ATXN1: variants seen among roughly 807,000 people sequenced by gnomAD.
The protein encoded by ATXN1 is ataxin 1, also known as ataxin-1.
In ATXN1, 8 loss-of-function variants were observed where a neutral mutation model predicts 56.4. The observed-to-expected ratio is 0.14, with a 90% CI of 0.08 to 0.26. The LOEUF is 0.26. ATXN1 is among the 10% of genes least tolerant of loss of function. The pLI is 1.00. For synonymous variants in ATXN1, 514 were observed against 494.6 expected, an observed-to-expected ratio of 1.04 and a Z score of -0.52; for missense variants, 987 against 1,106.5, an observed-to-expected ratio of 0.89 and a Z score of 1.53.
intron 6 of ATXN1, among the ~76,000 whole-genome samples, chr6:16,404,563 C>T (rs980010365): frequency 4.6e-5 from 7 of 152,198 alleles, no homozygotes; most frequent in Non-Finnish European, 5.9e-5. Context: ...GTTCCTGTCA[C>T]GCTCAGCTTC....
chr6:16,458,407 C>T (rs891512594), intron 6 of ATXN1, among the ~76,000 whole-genome samples: 9 of 152,172 alleles, frequency 5.9e-5, no homozygotes, highest in Non-Finnish European at 1.3e-4. Flanking sequence ...AATATACTCC[C>T]CTGTCACCCA....
At chr6:16,332,860 G>C (rs1761023118) in intron 6 of ATXN1, among the ~76,000 whole-genome samples, 1 of 152,168 alleles carries the variant, frequency 6.6e-6, no homozygotes, top group Non-Finnish European at 1.5e-5. Context: ...TCCGACCCGT[G>C]ACATCAGCAT....
chr6:16,396,351 A>G (rs1334318972), intron 6 of ATXN1, among the ~76,000 whole-genome samples: 2 of 152,144 alleles, frequency 1.3e-5, no homozygotes, highest in East Asian at 3.9e-4. Flanking sequence ...AGGCTGAGGC[A>G]GGAGGATGGC....
chr6:16,312,599 C>T (rs1024869341), intron 7 of ATXN1, among the ~76,000 whole-genome samples: 23 of 152,120 alleles, frequency 1.5e-4, no homozygotes, highest in Admixed American at 1.5e-3. Flanking sequence ...GCCTGTAATC[C>T]CAGCACTTTG....
chr6:16,371,575 G>A (rs553001789), intron 6 of ATXN1, among the ~76,000 whole-genome samples: 9 of 151,840 alleles, frequency 5.9e-5, no homozygotes, highest in African/African-American at 2.2e-4. Context: ...TTTTTGAGCC[G>A]AGACAGGGTC....
intron 4 of ATXN1, among the ~76,000 whole-genome samples, chr6:16,526,064 T>TATATATATATATATATATATATATAC (rs370698828): frequency 4.0e-4 from 53 of 133,270 alleles, no homozygotes; most frequent in African/African-American, 1.2e-3. Flanking sequence ...TATATATATA[T>TATATATATATATATATATATATATAC]ACATACATAC....
intron 2 of ATXN1, among the ~76,000 whole-genome samples, chr6:16,752,344 A>C (rs1331192969): frequency 6.6e-6 from 1 of 152,196 alleles, no homozygotes; most frequent in African/African-American, 2.4e-5. Context: ...GTGGAGCATC[A>C]GTGCCTAGAC....
At chr6:16,416,798 G>A (rs1758918099) in intron 6 of ATXN1, among the ~76,000 whole-genome samples, 1 of 152,106 alleles carries the variant, frequency 6.6e-6, no homozygotes, top group African/African-American at 2.4e-5. Flanking sequence ...GTACACACTG[G>A]AATTCCTGAA....
intron 5 of ATXN1, among the ~76,000 whole-genome samples, chr6:16,492,670 CT>C (rs1172031220): frequency 6.6e-6 from 1 of 151,724 alleles, no homozygotes; most frequent in Non-Finnish European, 1.5e-5. Flanking sequence ...TATATTACTC[CT>C]TATGGCCCCT....
At chr6:16,526,154 C>A (rs1472816676) in intron 4 of ATXN1, among the ~76,000 whole-genome samples, 1 of 149,784 alleles carries the variant, frequency 6.7e-6, no homozygotes, top group Non-Finnish European at 1.5e-5. Context: ...ATATTGAAAA[C>A]CTCCTTTAAC....
At chr6:16,739,531 A>G in intron 2 of ATXN1, 1 of 234,802 alleles carries the variant, frequency 4.3e-6, no homozygotes, top group East Asian at 8.7e-5. Flanking sequence ...CCTTTTTTCT[A>G]GTGTATTTGT....
intron 3 of ATXN1, among the ~76,000 whole-genome samples, 170 bp downstream of exon 3, chr6:16,657,606 G>C (rs1018901662): frequency 6.6e-6 from 1 of 152,164 alleles, no homozygotes; most frequent in East Asian, 1.9e-4. Context: ...TAAAGTAAAT[G>C]CGGTTGCTCT....
intron 6 of ATXN1, among the ~76,000 whole-genome samples, chr6:16,346,752 G>A (rs183873979): frequency 2.6e-5 from 4 of 152,260 alleles, no homozygotes; most frequent in Admixed American, 6.5e-5. Context: ...TGCTCTCTGC[G>A]CCTCCTCTGC....
At chr6:16,661,076 A>G (rs751231200) in intron 2 of ATXN1, among the ~76,000 whole-genome samples, 4 of 151,616 alleles carry the variant, frequency 2.6e-5, no homozygotes, top group Non-Finnish European at 5.9e-5. Flanking sequence ...TGACCTCGTG[A>G]TTCACCCGCT....
chr6:16,356,258 GATTTTCTTCCTCCTC>G (rs1375213641), intron 6 of ATXN1, among the ~76,000 whole-genome samples: 1 of 152,122 alleles, frequency 6.6e-6, no homozygotes, highest in Non-Finnish European at 1.5e-5. Flanking sequence ...ACAGGTCACG[GATTTTCTTCCTCCTC>G]CCTGCTTATT....
intron 2 of ATXN1, among the ~76,000 whole-genome samples, chr6:16,677,896 C>A (rs1488414825): frequency 1.3e-5 from 2 of 152,118 alleles, no homozygotes; most frequent in African/African-American, 4.8e-5. Flanking sequence ...ATTGTTTATG[C>A]AACTTAAAAA....
intron 5 of ATXN1, among the ~76,000 whole-genome samples, chr6:16,490,437 T>C (rs1009818319): frequency 2.0e-5 from 3 of 152,238 alleles, no homozygotes; most frequent in Non-Finnish European, 2.9e-5. Context: ...ACAGTTGTAC[T>C]ATACATTCAA....
intron 3 of ATXN1, among the ~76,000 whole-genome samples, chr6:16,632,524 G>A (rs1763523221): frequency 6.6e-6 from 1 of 152,152 alleles, no homozygotes; most frequent in South Asian, 2.1e-4. Context: ...TAAGCCCCGA[G>A]GGGGCCATGC....
At chr6:16,598,928 G>A (rs1016533771) in intron 3 of ATXN1, among the ~76,000 whole-genome samples, 3 of 152,196 alleles carry the variant, frequency 2.0e-5, no homozygotes, top group Non-Finnish European at 4.4e-5. Context: ...AAAAGAGGAG[G>A]GGTTCATGTG....
Sources: gnomAD v4.1 joint callset for allele counts (sites outside exome capture counted in the v4.1 genomes callset) on GRCh38, gnomAD v4.1.1 for gene constraint, MANE v1.5 for transcripts, NCBI Gene and HGNC (gene_info 2026-07-23, HGNC 2026-07-21) for gene names.